Variants in LRRTM4 observed in about 807,000 individuals in gnomAD.
The protein encoded by LRRTM4 is leucine rich repeat transmembrane neuronal 4.
LRRTM4 carries 25 observed loss-of-function variants against 47.6 expected under a neutral mutation model. The ratio of observed to expected loss-of-function variants is 0.53; its 90% confidence interval spans 0.38 to 0.73. The LOEUF is 0.73. Among genes scored for constraint, LRRTM4 ranks in the 30% least tolerant of loss-of-function variants. The pLI, the probability that LRRTM4 is intolerant of heterozygous loss-of-function variation, is 0.00. For missense variants in LRRTM4, 638 were observed against 713.4 expected, an observed-to-expected ratio of 0.89 and a Z score of 1.20; for synonymous variants, 311 against 269.5, an observed-to-expected ratio of 1.15 and a Z score of -1.51.
intron 3 of LRRTM4, among the ~76,000 whole-genome samples, chr2:76,885,430 G>A (rs1448085665): frequency 4.7e-5 from 7 of 150,482 alleles, no homozygotes; most frequent in Non-Finnish European, 1.0e-4. Context: ...GAGATGACTG[G>A]TAAGCAGGAA....
chr2:76,810,760 T>G (rs549761630), intron 3 of LRRTM4, among the ~76,000 whole-genome samples: 1 of 152,170 alleles, frequency 6.6e-6, no homozygotes, highest in African/African-American at 2.4e-5. Context: ...GGCCCCTTAA[T>G]GAAAAGGTGC....
At chr2:76,813,457 C>A (rs1348246031) in intron 3 of LRRTM4, among the ~76,000 whole-genome samples, 1 of 152,010 alleles carries the variant, frequency 6.6e-6, no homozygotes, top group Non-Finnish European at 1.5e-5. Context: ...GACAGGAGAT[C>A]CCCAAGACAC....
chr2:77,072,308 A>G (rs1197493814), intron 3 of LRRTM4, among the ~76,000 whole-genome samples: 1 of 138,898 alleles, frequency 7.2e-6, no homozygotes, highest in East Asian at 2.1e-4. Flanking sequence ...CTTTAGCTGA[A>G]TATCTGCCTG....
At chr2:77,334,670 T>C (rs1206480106) in intron 3 of LRRTM4, among the ~76,000 whole-genome samples, 1 of 152,190 alleles carries the variant, frequency 6.6e-6, no homozygotes, top group Non-Finnish European at 1.5e-5. Flanking sequence ...CTTAGGCATG[T>C]CTTTATCAGC....
At chr2:77,243,844 T>C (rs1403520453) in intron 3 of LRRTM4, among the ~76,000 whole-genome samples, 1 of 145,068 alleles carries the variant, frequency 6.9e-6, no homozygotes, top group African/African-American at 2.6e-5. Context: ...TATGTATACA[T>C]GTGCCATGCT....
chr2:76,950,728 T>C (rs1268763280), intron 3 of LRRTM4, among the ~76,000 whole-genome samples: 3 of 151,950 alleles, frequency 2.0e-5, no homozygotes, highest in Non-Finnish European at 4.4e-5. Flanking sequence ...AAAGAGGAAA[T>C]AGTGAAATCT....
At chr2:77,267,829 T>A (rs1676088992) in intron 3 of LRRTM4, among the ~76,000 whole-genome samples, 1 of 139,676 alleles carries the variant, frequency 7.2e-6, no homozygotes, top group Non-Finnish European at 1.6e-5. Context: ...TGAGAAAAGG[T>A]CTTAGTATGT....
At chr2:77,226,320 A>C (rs12613224) in intron 3 of LRRTM4, among the ~76,000 whole-genome samples, 30,266 of 151,574 alleles carry the variant, frequency 0.2, 5,863 homozygotes, top group African/African-American at 0.5. Context: ...ACAAAGCAAA[A>C]GTAAAAATTA....
intron 3 of LRRTM4, among the ~76,000 whole-genome samples, chr2:77,222,276 C>A (rs1330291346): frequency 6.6e-6 from 1 of 152,056 alleles, no homozygotes; most frequent in Non-Finnish European, 1.5e-5. Context: ...AATTGACACC[C>A]TAACATCACA....
intron 3 of LRRTM4, among the ~76,000 whole-genome samples, chr2:77,144,415 T>C (rs2103769369): frequency 6.6e-6 from 1 of 151,138 alleles, no homozygotes. Context: ...GGCTGCTGCA[T>C]GGGGTCAAAA....
At chr2:76,794,744 CTTGTACTT>C (rs1403109617) in intron 3 of LRRTM4, among the ~76,000 whole-genome samples, 1 of 151,846 alleles carries the variant, frequency 6.6e-6, no homozygotes, top group African/African-American at 2.4e-5. Context: ...GGTGTACTGT[CTTGTACTT>C]TTGTGGGATG....
intron 3 of LRRTM4, among the ~76,000 whole-genome samples, chr2:76,776,317 C>G (rs996053038): frequency 3.1e-4 from 47 of 152,236 alleles, no homozygotes; most frequent in Admixed American, 7.2e-4. Context: ...GTTCCAGATC[C>G]CTGAGGAATC....
At chr2:77,405,099 T>G (rs1353116757) in intron 3 of LRRTM4, among the ~76,000 whole-genome samples, 1 of 152,152 alleles carries the variant, frequency 6.6e-6, no homozygotes, top group Non-Finnish European at 1.5e-5. Flanking sequence ...TGATTTAAAT[T>G]ACTCTTATAA....
chr2:76,958,587 A>G (rs1391962459), intron 3 of LRRTM4, among the ~76,000 whole-genome samples: 1 of 151,720 alleles, frequency 6.6e-6, no homozygotes, highest in African/African-American at 2.4e-5. Context: ...GAGGCCCTGA[A>G]GCCTCACACT....
chr2:77,135,405 G>A (rs993384693), intron 3 of LRRTM4, among the ~76,000 whole-genome samples: 2 of 152,118 alleles, frequency 1.3e-5, no homozygotes, highest in Non-Finnish European at 2.9e-5. Context: ...TATCAGTGAG[G>A]AGTTCTCCAC....
chr2:77,062,452 C>T (rs1221870597), intron 3 of LRRTM4, among the ~76,000 whole-genome samples: 1 of 152,148 alleles, frequency 6.6e-6, no homozygotes, highest in Non-Finnish European at 1.5e-5. Context: ...TTAAGGCAAT[C>T]AATTTAAAGT....
chr2:76,954,248 A>AT (rs1366545727), intron 3 of LRRTM4, among the ~76,000 whole-genome samples: 2 of 151,956 alleles, frequency 1.3e-5, no homozygotes, highest in Non-Finnish European at 2.9e-5. Context: ...AAATAGATGT[A>AT]TATAAATTAC....
chr2:76,804,988 C>A (rs548073743), intron 3 of LRRTM4, among the ~76,000 whole-genome samples: 1 of 152,014 alleles, frequency 6.6e-6, no homozygotes, highest in African/African-American at 2.4e-5. Flanking sequence ...TGAATAGGCA[C>A]CCATTGTCAT....
At chr2:76,784,269 C>T (rs759029102) in intron 3 of LRRTM4, among the ~76,000 whole-genome samples, 24 of 151,992 alleles carry the variant, frequency 1.6e-4, no homozygotes, top group African/African-American at 4.1e-4. Context: ...GTACATTAAG[C>T]GATGCTTTAT....
Sources: allele counts gnomAD v4.1 joint callset (sites outside exome capture counted in the v4.1 genomes callset), GRCh38; gene constraint gnomAD v4.1.1; transcripts MANE v1.5; gene names NCBI Gene and HGNC (gene_info 2026-07-23, HGNC 2026-07-21).